Variants in TENM2 observed in about 807,000 individuals in gnomAD.
TENM2 encodes teneurin transmembrane protein 2, also known as teneurin-2.
A neutral mutation model predicts 245.2 loss-of-function variants in TENM2; 52 were observed. The observed-to-expected ratio is 0.21, with a 90% CI of 0.17 to 0.27. The LOEUF (loss-of-function observed/expected upper bound fraction) is 0.27. Ranked by LOEUF, TENM2 falls within the 10% of genes least tolerant of loss-of-function variation. The pLI is 1.00. For missense variants in TENM2, 3,046 were observed against 3,666.8 expected, an observed-to-expected ratio of 0.83 and a Z score of 4.37; for synonymous variants, 1,363 against 1,438.9, an observed-to-expected ratio of 0.95 and a Z score of 1.19.
intron 2 of TENM2, among the ~76,000 whole-genome samples, chr5:167,663,240 T>G (rs1398321068): frequency 1.3e-5 from 2 of 151,754 alleles, no homozygotes; most frequent in Non-Finnish European, 2.9e-5. Context: ...AATTAAAATC[T>G]GGGTAAGGAC....
chr5:167,461,830 T>A (rs1407363310), intron 2 of TENM2, among the ~76,000 whole-genome samples: 1 of 152,214 alleles, frequency 6.6e-6, no homozygotes, highest in Non-Finnish European at 1.5e-5. Context: ...TTTGTTTGCT[T>A]GTTTCACCTA....
At chr5:168,112,756 G>A (rs564495568) in intron 9 of TENM2, among the ~76,000 whole-genome samples, 2 of 152,242 alleles carry the variant, frequency 1.3e-5, no homozygotes, top group South Asian at 4.2e-4. Flanking sequence ...TGCCTTTTGA[G>A]TTTTGGTTTG....
At chr5:168,224,206 C>A (rs550542942) in intron 23 of TENM2, among the ~76,000 whole-genome samples, 71 of 152,308 alleles carry the variant, frequency 4.7e-4, no homozygotes, top group African/African-American at 1.6e-3. Flanking sequence ...ATTGATTTAG[C>A]AGACCTAAGT....
chr5:167,750,412 C>T (rs1351663518), intron 2 of TENM2, among the ~76,000 whole-genome samples: 1 of 152,092 alleles, frequency 6.6e-6, no homozygotes, highest in Non-Finnish European at 1.5e-5. Flanking sequence ...AAGGCATTGT[C>T]CTCGTCATCC....
intron 27 of TENM2, among the ~76,000 whole-genome samples, chr5:168,249,566 C>T (rs1437221839): frequency 1.1e-4 from 16 of 151,988 alleles, no homozygotes; most frequent in Admixed American, 4.6e-4. Context: ...GGACCTTGGC[C>T]GGCAGAAGTG....
intron 2 of TENM2, among the ~76,000 whole-genome samples, chr5:167,487,937 T>C (rs960807210): frequency 4.5e-4 from 69 of 152,212 alleles, no homozygotes; most frequent in African/African-American, 1.6e-3. Flanking sequence ...ATAGAAGGTA[T>C]AATTTATAAA....
chr5:167,830,145 A>G (rs536465913), intron 2 of TENM2, among the ~76,000 whole-genome samples: 12 of 152,332 alleles, frequency 7.9e-5, no homozygotes, highest in African/African-American at 1.9e-4. Flanking sequence ...AAGAATGTCT[A>G]TCATCAGATG....
chr5:168,262,435 C>T lies in TENM2; in HGVS notation c.7950C>T (p.Thr2650=), dbSNP rs540250500. 2.1e-5 allele frequency: 33 copies of T among 1,574,854 alleles called. No individual in the cohort carries two copies. The South Asian group carries it at 3.0e-4, about 15-fold the overall frequency. The change falls in exon 29 of 29, where the codon ACC becomes ACT. Residue 2650 remains threonine (T), a synonymous_variant. Coordinates refer to ENST00000518659, the Ensembl canonical transcript of TENM2. ...TGCTAGAGAGCGGGGTGAACGTGACCGTGTCCCAGCCCACGCTGCTGGTCA... is the reference window on the plus strand; with the variant it reads ...TGCTAGAGAGCGGGGTGAACGTGACTGTGTCCCAGCCCACGCTGCTGGTCA...
intron 2 of TENM2, among the ~76,000 whole-genome samples, chr5:167,443,078 A>C (rs1420129685): frequency 6.6e-6 from 1 of 152,186 alleles, no homozygotes; most frequent in Non-Finnish European, 1.5e-5. Flanking sequence ...TGGGCTTTGA[A>C]AATTGGCCAT....
At chr5:168,201,847 C>CTT (rs1480640929) in intron 17 of TENM2, among the ~76,000 whole-genome samples, 1 of 141,740 alleles carries the variant, frequency 7.1e-6, no homozygotes, top group East Asian at 2.3e-4. Flanking sequence ...TCCCATATAG[C>CTT]GTGGTTGGTT....
intron 1 of TENM2, chr5:167,306,618 C>T (rs1028264499): frequency 6.6e-6 from 1 of 152,100 alleles, no homozygotes; most frequent in Admixed American, 6.6e-5. Context: ...CCAGCTAAGC[C>T]AAGTGATAAG....
At chr5:168,153,134 G>A (rs990280310) in intron 12 of TENM2, among the ~76,000 whole-genome samples, 1 of 152,156 alleles carries the variant, frequency 6.6e-6, no homozygotes, top group Admixed American at 6.5e-5. Flanking sequence ...CTTTACACTT[G>A]AGGGGTTTGG....
At chr5:167,639,533 T>C (rs2150242852) in intron 2 of TENM2, among the ~76,000 whole-genome samples, 1 of 152,306 alleles carries the variant, frequency 6.6e-6, no homozygotes, top group South Asian at 2.1e-4. Flanking sequence ...AAGGCCAAGC[T>C]GGTTTATATC....
At chr5:167,420,229 G>A (rs1763418967) in intron 2 of TENM2, among the ~76,000 whole-genome samples, 1 of 152,158 alleles carries the variant, frequency 6.6e-6, no homozygotes. Context: ...TAGGCTATGA[G>A]ACCTTTTAAT....
chr5:168,116,038 CTTTAAG>C (rs1183585137), intron 9 of TENM2, among the ~76,000 whole-genome samples: 3 of 152,298 alleles, frequency 2.0e-5, no homozygotes, highest in South Asian at 4.1e-4. Context: ...CCTCTCAAAA[CTTTAAG>C]AAAGTTCAGA....
At chr5:167,219,336 AC>A in the TENM2 span, among the ~76,000 whole-genome samples, 514 of 144,446 alleles carry the variant, frequency 3.6e-3, 4 homozygotes, top group African/African-American at 0.014. Context: ...AACAAGCAAA[AC>A]AAAACCAACC....
chr5:167,038,812 C>G, the TENM2 span, among the ~76,000 whole-genome samples: 1 of 152,142 alleles, frequency 6.6e-6, no homozygotes, highest in Non-Finnish European at 1.5e-5. Flanking sequence ...TTCAGTGAAA[C>G]AGCTTGGAAT....
At chr5:167,841,322 A>G (rs1769497475) in intron 2 of TENM2, among the ~76,000 whole-genome samples, 1 of 152,112 alleles carries the variant, frequency 6.6e-6, no homozygotes, top group African/African-American at 2.4e-5. Context: ...TTCCCAAAGT[A>G]TTGGGATTAC....
At chr5:167,903,448 A>T (rs566590196) in intron 3 of TENM2, among the ~76,000 whole-genome samples, 4 of 152,022 alleles carry the variant, frequency 2.6e-5, no homozygotes, top group African/African-American at 9.7e-5. Flanking sequence ...AATGGAGGAA[A>T]AAAAGGCTTT....
Sources: allele counts gnomAD v4.1 joint callset (sites outside exome capture counted in the v4.1 genomes callset), GRCh38; gene constraint gnomAD v4.1.1; transcripts MANE v1.5; gene names NCBI Gene and HGNC (gene_info 2026-07-23, HGNC 2026-07-21).